PCDH15: variants seen among roughly 807,000 people sequenced by gnomAD.
The protein encoded by PCDH15 is protocadherin-15.
A neutral mutation model predicts 178.5 loss-of-function variants in PCDH15; 129 were observed. The ratio of observed to expected loss-of-function variants is 0.72; its 90% CI spans 0.63 to 0.84. The LOEUF (loss-of-function observed/expected upper bound fraction) is 0.84, where lower values mean the gene tolerates loss of function less well. Among genes scored for constraint, PCDH15 ranks in the 40% least tolerant of loss-of-function variants. The pLI is 0.00. For missense variants in PCDH15, 2,230 were observed against 2,099.9 expected, an observed-to-expected ratio of 1.06 and a Z score of -1.21; for synonymous variants, 800 against 732.0, an observed-to-expected ratio of 1.09 and a Z score of -1.50.
intron 1 of PCDH15, among the ~76,000 whole-genome samples, chr10:54,679,173 C>G (rs2094851327): frequency 8.4e-6 from 1 of 118,406 alleles, no homozygotes; most frequent in Admixed American, 1.2e-4. Context: ...CTGGGAGACA[C>G]AGCGAGACTC....
intron 28 of PCDH15, among the ~76,000 whole-genome samples, chr10:53,845,099 T>C (rs74420019): frequency 0.039 from 5,909 of 151,062 alleles, 362 homozygotes; most frequent in African/African-American, 0.13. Flanking sequence ...ATACAAAGAG[T>C]CAATAGGCAT....
intron 2 of PCDH15, among the ~76,000 whole-genome samples, chr10:54,914,225 C>T (rs992594379): frequency 7.2e-5 from 11 of 151,910 alleles, no homozygotes; most frequent in Non-Finnish European, 1.3e-4. Flanking sequence ...GTGATTGGAT[C>T]GGGAGGGCAG....
chr10:54,747,333 G>A (rs548289458), intron 1 of PCDH15, among the ~76,000 whole-genome samples: 1 of 152,234 alleles, frequency 6.6e-6, no homozygotes. Context: ...CTTTCTCTAT[G>A]CTTTCCTACA....
intron 3 of PCDH15, among the ~76,000 whole-genome samples, chr10:54,818,243 C>T (rs1246000868): frequency 6.6e-6 from 1 of 151,852 alleles, no homozygotes; most frequent in East Asian, 1.9e-4. Flanking sequence ...GCCTAAAGAC[C>T]TTTACTTAAG....
chr10:54,629,889 A>G (rs1247517730), intron 2 of PCDH15, among the ~76,000 whole-genome samples: 1 of 152,160 alleles, frequency 6.6e-6, no homozygotes, highest in African/African-American at 2.4e-5. Context: ...CAACTGCAGT[A>G]AAGTTTCAGG....
At chr10:53,952,521 T>TCCATGGGCAG (rs1047817608) in intron 23 of PCDH15, among the ~76,000 whole-genome samples, 1 of 152,132 alleles carries the variant, frequency 6.6e-6, no homozygotes, top group East Asian at 1.9e-4. Flanking sequence ...TGCTGATTGG[T>TCCATGGGCAG]CCATGGGCAG....
chr10:53,947,065 G>A (rs540397048), intron 23 of PCDH15, among the ~76,000 whole-genome samples: 24 of 152,128 alleles, frequency 1.6e-4, no homozygotes, highest in African/African-American at 4.8e-4. Context: ...GTGAACCACC[G>A]CACCTGGCCC....
At chr10:54,726,995 TTAAC>T (rs199686855) in intron 1 of PCDH15, among the ~76,000 whole-genome samples, 18,442 of 151,448 alleles carry the variant, frequency 0.12, 1,254 homozygotes, top group African/African-American at 0.17. Context: ...TTTGTGGGTA[TTAAC>T]ATTAACCATG....
intron 3 of PCDH15, among the ~76,000 whole-genome samples, chr10:54,414,106 T>C (rs1290204855): frequency 2.0e-5 from 3 of 151,908 alleles, no homozygotes; most frequent in African/African-American, 7.2e-5. Flanking sequence ...CAAAAGAAAA[T>C]TGAAGAATGA....
intron 1 of PCDH15, among the ~76,000 whole-genome samples, chr10:54,721,909 A>T (rs889495077): frequency 6.6e-6 from 1 of 151,778 alleles, no homozygotes; most frequent in Non-Finnish European, 1.5e-5. Context: ...GAGCGAGGCG[A>T]CAATGTAAAA....
chr10:54,335,155 TG>T (rs774131368), intron 6 of PCDH15, among the ~76,000 whole-genome samples: 22 of 152,206 alleles, frequency 1.4e-4, no homozygotes, highest in Non-Finnish European at 3.2e-4. Context: ...ATGCAATTTT[TG>T]TCCACCCAAG....
intron 26 of PCDH15, among the ~76,000 whole-genome samples, chr10:53,900,423 A>G (rs2133622399): frequency 6.6e-6 from 1 of 152,128 alleles, no homozygotes; most frequent in South Asian, 2.1e-4. Flanking sequence ...ATCAATCCCA[A>G]CACTGTATAC....
chr10:54,875,313 G>T (rs1324842506), intron 3 of PCDH15, among the ~76,000 whole-genome samples: 1 of 152,126 alleles, frequency 6.6e-6, no homozygotes, highest in African/African-American at 2.4e-5. Flanking sequence ...TGTTCTCACT[G>T]CTCCAGGGAC....
In PCDH15 at chr10:53,806,366, G is replaced by A; in HGVS notation, c.*213C>T. The A allele has an allele frequency of 2.0e-6, 1 of 498,774 alleles. No homozygotes were observed. The allele number at this position is 498,774 out of a possible 1,614,324, so 30.9% of individuals were successfully genotyped here. On this transcript the variant is annotated 3_prime_UTR_variant, in exon 38 of 38. Coordinates refer to ENST00000644397, the MANE Select transcript of PCDH15 (RefSeq NM_001384140.1). ...ATGTTTAAACGATAGGTTATTTAGTGAAAGTATGTCCAAAAGGATTTTCTG... is the reference window on the plus strand; with the variant it reads ...ATGTTTAAACGATAGGTTATTTAGTAAAAGTATGTCCAAAAGGATTTTCTG...
At chr10:54,655,256 AAGAGAGAGAG>A (rs1173377441) in intron 2 of PCDH15, among the ~76,000 whole-genome samples, 1,784 of 48,914 alleles carry the variant, frequency 0.036, 30 homozygotes, top group Middle Eastern at 0.067. Flanking sequence ...GAAAGAAAGA[AAGAGAGAGAG>A]AGAGAGAGAG....
chr10:55,007,072 G>T (rs1839947312), intron 2 of PCDH15, among the ~76,000 whole-genome samples: 1 of 152,068 alleles, frequency 6.6e-6, no homozygotes, highest in African/African-American at 2.4e-5. Flanking sequence ...TTTGCTATGT[G>T]ATGTGCTTGC....
rs1440680960 is a variant in PCDH15, at chr10:54,478,319, A to C, written c.157+49493T>G. Among the ~76,000 whole-genome samples the C allele has an allele frequency of 3.3e-5, 5 of 152,292 alleles. No homozygotes were observed. In the East Asian group the frequency reaches 5.8e-4, roughly 18 times the overall value. The stretch of plus-strand genomic sequence containing the variant: ...AAAAGTAACAGGTTTACAGAGAAAA[A>C]GTTTACTAAAACAGGTCCTAAGGAA... On this transcript the variant is annotated intron_variant, in intron 3 of 37. Transcript: ENST00000644397.
intron 26 of PCDH15, among the ~76,000 whole-genome samples, chr10:53,898,370 A>G (rs926374497): frequency 1.8e-4 from 28 of 152,180 alleles, no homozygotes; most frequent in African/African-American, 2.7e-4. Flanking sequence ...TTTTAAGTAT[A>G]TAGTAAGAGT....
intron 2 of PCDH15, among the ~76,000 whole-genome samples, chr10:55,078,753 G>A (rs376051480): frequency 1.3e-5 from 2 of 151,938 alleles, no homozygotes; most frequent in Non-Finnish European, 2.9e-5. Flanking sequence ...TACCAAATAC[G>A]TAGTCTTTTA....
Sources: gnomAD v4.1 joint callset for allele counts (sites outside exome capture counted in the v4.1 genomes callset) on GRCh38, gnomAD v4.1.1 for gene constraint, MANE v1.5 for transcripts, NCBI Gene and HGNC (gene_info 2026-07-23, HGNC 2026-07-21) for gene names.